The following SFMBT1 variants were observed in gnomAD, a reference collection of about 807,000 sequenced individuals.
The protein encoded by SFMBT1 is scm-like with four MBT domains protein 1.
In SFMBT1, 32 loss-of-function variants were observed where a neutral mutation model predicts 108.7. That is an observed-to-expected ratio of 0.29 (90% confidence interval 0.22 to 0.40). The LOEUF (loss-of-function observed/expected upper bound fraction) is 0.40, where lower values mean the gene tolerates loss of function less well. Among genes scored for constraint, SFMBT1 ranks in the 10% least tolerant of loss-of-function variants. The pLI is 1.00. For synonymous variants in SFMBT1, 348 were observed against 369.5 expected (o/e 0.94, Z 0.67); for missense variants, 816 against 1,059.6 (o/e 0.77, Z 3.19).
chr3:52,960,971 A>G (rs1378140916), intron 2 of SFMBT1, among the ~76,000 whole-genome samples: 1 of 152,172 alleles, frequency 6.6e-6, no homozygotes, highest in Admixed American at 6.5e-5. Context: ...TCTCGTGTCT[A>G]CAAAAATATT....
Position 52,905,033 on chromosome 3 carries a change from C to T in SFMBT1, c.*103G>A, listed in dbSNP as rs906028550. The T allele has an allele frequency of 2.0e-6, 3 of 1,472,768 alleles. No homozygotes were observed. Among genetic ancestry groups the T allele is most frequent in the Admixed American group, 2.1e-5 (1 of 46,546 alleles). 91.2% of individuals were successfully genotyped at this position (1,472,768 alleles called of 1,614,324 possible). A position where few individuals can be genotyped will look rare whatever the true frequency, so the allele number is the denominator to read the frequency against. ...TGCAAAGAGAGCAAGCTGATACCTGCAGGCCCCAGAGCCCCAGGACTATTC... is the reference window on the plus strand; with the variant it reads ...TGCAAAGAGAGCAAGCTGATACCTGTAGGCCCCAGAGCCCCAGGACTATTC... On this transcript the variant is annotated 3_prime_UTR_variant, in exon 21 of 21. Transcript: ENST00000394752.
chr3:53,041,707 A>AAAC (rs1700061501), intron 1 of SFMBT1, among the ~76,000 whole-genome samples: 1 of 123,248 alleles, frequency 8.1e-6, no homozygotes, highest in African/African-American at 2.9e-5. Context: ...TCAAAAAAAA[A>AAAC]AAAAAAAAAA....
chr3:53,024,447 C>G (rs532604883), intron 1 of SFMBT1, among the ~76,000 whole-genome samples: 8 of 150,070 alleles, frequency 5.3e-5, no homozygotes, highest in African/African-American at 2.0e-4. Flanking sequence ...GCGAGGATAT[C>G]TGAGAGATGG....
chr3:52,915,868 G>C (rs1416995982), intron 14 of SFMBT1, among the ~76,000 whole-genome samples: 1 of 152,220 alleles, frequency 6.6e-6, no homozygotes, highest in Non-Finnish European at 1.5e-5. Context: ...AGGTTCTTTA[G>C]CTAAAGTCAA....
At position 52,926,934 on chromosome 3, in the gene SFMBT1, C is replaced by A. The variant is rs188752075; in HGVS notation, c.1049-821G>T. Reference sequence around the variant, plus strand: ...ACTGGCACCATGTTCTCCCTTTGCCCCAACCTCAATGCCTGACAGTACATT... The same window carrying A: ...ACTGGCACCATGTTCTCCCTTTGCCACAACCTCAATGCCTGACAGTACATT... On this transcript the variant is annotated intron_variant, in intron 9 of 20. Coordinates refer to ENST00000394752, the MANE Select transcript of SFMBT1 (RefSeq NM_016329.4). Among the ~76,000 whole-genome samples the A allele has an allele frequency of 1.5e-3, 228 of 152,208 alleles. 1 individual carries two copies. The highest frequency in any genetic ancestry group is 5.3e-3 in the African/African-American group (222 of 41,542).
At chr3:52,960,641 A>G (rs13063993) in intron 2 of SFMBT1, among the ~76,000 whole-genome samples, 1 of 119,428 alleles carries the variant, frequency 8.4e-6, no homozygotes. Flanking sequence ...CTATCTCTCT[A>G]TCTATCTATG....
intron 13 of SFMBT1, among the ~76,000 whole-genome samples, chr3:52,916,574 G>C (rs760183740): frequency 2.2e-4 from 34 of 151,414 alleles, no homozygotes; most frequent in African/African-American, 8.2e-4. Context: ...GAGGCTGAGG[G>C]AGGAGAATGG....
intron 12 of SFMBT1, 64 bp downstream of exon 12, chr3:52,920,473 T>C (rs1454136425): frequency 1.7e-6 from 2 of 1,196,674 alleles, no homozygotes; most frequent in Non-Finnish European, 1.2e-6. Flanking sequence ...TTAGTTTTAA[T>C]TGGCAGCAGC....
chr3:52,946,206 C>T (rs778469140), intron 3 of SFMBT1, among the ~76,000 whole-genome samples: 2 of 152,080 alleles, frequency 1.3e-5, no homozygotes, highest in East Asian at 1.9e-4. Flanking sequence ...AAAGAAAGAA[C>T]GAGGAACTGT....
In SFMBT1 at chr3:52,928,217, T is replaced by G; in HGVS notation, c.1022A>C (p.Asn341Thr). The part of the protein sequence containing the change: ...GIFPVQWSLK[N>T]GLHISPPPGY... ...TGGAGGGGGGCTGATGTGTAGGCCA[T>G]TCTTCAGACTCCACTGCACAGGGAA... is the stretch of plus-strand genomic sequence containing the variant. Residue 341 changes from asparagine (N) to threonine (T), a missense_variant, in exon 9 of 21, where the codon AAT becomes ACT. By Grantham distance (65) the Asn-to-Thr change is moderately conservative. Around this residue, in one of 5 missense-constraint regions of SFMBT1, gnomAD observed 495 missense variants for 607.4 expected, o/e 0.81. Coordinates refer to ENST00000394752, the MANE Select transcript of SFMBT1 (RefSeq NM_016329.4). 1 of 1,613,426 alleles carries G rather than the reference T, an allele frequency of 6.2e-7. No individual in the cohort carries two copies. The highest frequency in any genetic ancestry group is 1.1e-5 in the South Asian group (1 of 90,956).
chr3:53,041,666 C>G (rs1163452297), intron 1 of SFMBT1, among the ~76,000 whole-genome samples: 1 of 131,506 alleles, frequency 7.6e-6, no homozygotes, highest in Non-Finnish European at 1.5e-5. Context: ...CCATTGCACT[C>G]CAGCCTGGGC....
At chr3:52,994,785 C>G (rs1042143612) in intron 1 of SFMBT1, among the ~76,000 whole-genome samples, 17 of 150,188 alleles carry the variant, frequency 1.1e-4, no homozygotes, top group Admixed American at 4.7e-4. Context: ...CAGGCATGAG[C>G]CACTACGCCC....
At chr3:52,938,059 T>C (rs1043505191) in intron 4 of SFMBT1, among the ~76,000 whole-genome samples, 6 of 152,220 alleles carry the variant, frequency 3.9e-5, no homozygotes, top group Non-Finnish European at 5.9e-5. Flanking sequence ...TTGCTGTCTA[T>C]AGCTGCTTTT....
chr3:52,982,503 C>T (rs926066804), intron 1 of SFMBT1, among the ~76,000 whole-genome samples: 17 of 151,764 alleles, frequency 1.1e-4, no homozygotes, highest in Non-Finnish European at 2.5e-4. Flanking sequence ...CTGAGGCGGG[C>T]GGATCACTTG....
chr3:53,029,904 G>T (rs895785143), intron 1 of SFMBT1, among the ~76,000 whole-genome samples: 1 of 151,906 alleles, frequency 6.6e-6, no homozygotes, highest in Non-Finnish European at 1.5e-5. Context: ...CATCTTGGGG[G>T]CAGGGAGGCT....
intron 1 of SFMBT1, among the ~76,000 whole-genome samples, chr3:53,031,933 T>C (rs1699701143): frequency 6.6e-6 from 1 of 152,188 alleles, no homozygotes; most frequent in African/African-American, 2.4e-5. Flanking sequence ...GAGCTAAAAA[T>C]AGAATATTTC....
At position 52,912,546 on chromosome 3, in the gene SFMBT1, T is replaced by C; in HGVS notation, c.1722A>G (p.Leu574=). 6.2e-7 allele frequency: 1 copy of C among 1,613,946 alleles called. No individual in the cohort carries two copies. Among genetic ancestry groups the C allele is most frequent in the Non-Finnish European group, 8.5e-7 (1 of 1,179,804 alleles). Residue 574 remains leucine, a synonymous_variant, in exon 16 of 21, where the codon CTA becomes CTG. Transcript: ENST00000394752. ...DSVWHGCGEV[L]KAKYKGKSYR... is the part of the protein sequence containing the mutation. Reference sequence around the variant, plus strand: ...ACAAGTAGTCCACTCACTTGGCTTTTAGGACTTCCCCACATCCGTGCCACA... The same window carrying C: ...ACAAGTAGTCCACTCACTTGGCTTTCAGGACTTCCCCACATCCGTGCCACA...
At chr3:53,045,575 C>A (rs1472958637) in intron 1 of SFMBT1, among the ~76,000 whole-genome samples, 3 of 142,554 alleles carry the variant, frequency 2.1e-5, no homozygotes, top group Admixed American at 1.4e-4. Context: ...GGCCGGCGCG[C>A]GGGACCGCGG....
chr3:52,966,624 C>CAAAAAAAAAAAAAAA (rs35044878), intron 2 of SFMBT1, among the ~76,000 whole-genome samples: 1 of 48,388 alleles, frequency 2.1e-5, no homozygotes, highest in Non-Finnish European at 3.7e-5. Flanking sequence ...GACTCAGTCT[C>CAAAAAAAAAAAAAAA]AAAAAAAAAA....
Sources: allele counts gnomAD v4.1 joint callset (sites outside exome capture counted in the v4.1 genomes callset), GRCh38; gene constraint gnomAD v4.1.1; regional missense constraint gnomAD v4.1.1; transcripts MANE v1.5; gene names NCBI Gene and HGNC (gene_info 2026-07-23, HGNC 2026-07-21).